The following DLG5 variants were observed in gnomAD, a reference collection of about 807,000 sequenced individuals.
DLG5 encodes the protein discs large MAGUK scaffold protein 5.
A neutral mutation model predicts 189.8 loss-of-function variants in DLG5; 48 were observed. The ratio of observed to expected loss-of-function variants is 0.25; its 90% CI spans 0.20 to 0.32. DLG5 has a LOEUF of 0.32. Among genes scored for constraint, DLG5 ranks in the 10% least tolerant of loss-of-function variants. DLG5 has a pLI of 1.00. For synonymous variants in DLG5, 1,016 were observed against 1,054.1 expected (o/e 0.96, Z 0.70); for missense variants, 2,160 against 2,544.7 (o/e 0.85, Z 3.25).
Position 77,796,009 on chromosome 10 carries a change from C to T in DLG5, c.5436+52G>A, listed in dbSNP as rs1217774979. 1 of 1,612,922 alleles carries T rather than the reference C, an allele frequency of 6.2e-7. No individual in the cohort carries two copies. Among genetic ancestry groups the T allele is most frequent in the East Asian group, 2.2e-5 (1 of 44,880 alleles). Reference sequence around the variant, plus strand: ...CACGGACCAGGGGCCTAGACCTGTGCACAGGAGGTCTAATACTGGATGCCT... The same window carrying T: ...CACGGACCAGGGGCCTAGACCTGTGTACAGGAGGTCTAATACTGGATGCCT... On this transcript the variant is annotated intron_variant, in intron 29 of 31. Coordinates refer to ENST00000372391, the MANE Select transcript of DLG5 (RefSeq NM_004747.4). This position sits in a 1 kb window ranked among gnomAD's most constrained non-coding sequence, Gnocchi z 5.2.
At chr10:77,889,751 C>A (rs1845552106) in intron 1 of DLG5, among the ~76,000 whole-genome samples, 1 of 152,084 alleles carries the variant, frequency 6.6e-6, no homozygotes, top group Admixed American at 6.6e-5. Flanking sequence ...CATTGGAGGG[C>A]AAGAAAAGAA....
Position 77,885,561 on chromosome 10 carries a change from G to A in DLG5, c.305-16364C>T, listed in dbSNP as rs764856446. Among the ~76,000 whole-genome samples the A allele has an allele frequency of 2.8e-4, 43 of 152,192 alleles. 1 individual carries two copies. Among genetic ancestry groups the A allele is most frequent in the African/African-American group, 4.8e-5 (2 of 41,438 alleles). ...GAATCAAAGTGTGCCAGCCCCCAAA[G>A]ATTCCAGCCTCCTGCAGCTCCTGAC... is the stretch of plus-strand genomic sequence containing the variant. On this transcript the variant is annotated intron_variant, in intron 1 of 31. Transcript: ENST00000372391.
chr10:77,798,933 G>A (rs1841064730), intron 27 of DLG5, among the ~76,000 whole-genome samples: 1 of 152,170 alleles, frequency 6.6e-6, no homozygotes, highest in African/African-American at 2.4e-5. Context: ...GTAATGCAGT[G>A]TAATCCCAGC....
In DLG5 at chr10:77,819,462, G is replaced by A; in HGVS notation, c.3530C>T (p.Thr1177Ile). The change falls in exon 17 of 32, where the codon ACT becomes ATT. Residue 1177 changes from threonine to isoleucine, a missense_variant. By Grantham distance (89) the Thr-to-Ile change is moderately conservative. This residue lies in a region of DLG5 where 754 missense variants were observed against 746.5 expected (regional missense o/e 1.01). Coordinates refer to ENST00000372391, the MANE Select transcript of DLG5 (RefSeq NM_004747.4). Reference protein sequence around the residue: ...PLYPSRPSVGTVPRSLTPSTT... With the variant: ...PLYPSRPSVGIVPRSLTPSTT... ...GCTGGGGGTCAAACTCCGGGGAACAGTGCCTAGAAATGGGCTTGGTGAGAA... is the reference window on the plus strand; with the variant it reads ...GCTGGGGGTCAAACTCCGGGGAACAATGCCTAGAAATGGGCTTGGTGAGAA... 1 of 1,612,806 alleles carries A rather than the reference G, an allele frequency of 6.2e-7. No individual in the cohort carries two copies. The highest frequency in any genetic ancestry group is 8.5e-7 in the Non-Finnish European group (1 of 1,179,734).
chr10:77,916,073 A>T (rs995682407), intron 1 of DLG5, among the ~76,000 whole-genome samples: 1 of 152,072 alleles, frequency 6.6e-6, no homozygotes, highest in Non-Finnish European at 1.5e-5. Flanking sequence ...AAAAAAAATT[A>T]GCTGGGCATG....
At chr10:77,829,101 C>T (rs1842782734) in intron 12 of DLG5, 116 bp from the exon 13 acceptor site, 1 of 1,151,516 alleles carries the variant, frequency 8.7e-7, no homozygotes, top group Non-Finnish European at 1.2e-6. Flanking sequence ...AGGCTGCGCC[C>T]TGTCTACGCC....
intron 27 of DLG5, among the ~76,000 whole-genome samples, chr10:77,799,571 C>A (rs113966881): frequency 1.3e-5 from 2 of 152,138 alleles, no homozygotes; most frequent in Non-Finnish European, 2.9e-5. Flanking sequence ...AAAATGAATT[C>A]TTGTTATTTA....
At chr10:77,891,252 A>T (rs1248911391) in intron 1 of DLG5, among the ~76,000 whole-genome samples, 1 of 152,138 alleles carries the variant, frequency 6.6e-6, no homozygotes, top group Non-Finnish European at 1.5e-5. Flanking sequence ...GCAGTCTCAC[A>T]AGGCTCACAA....
chr10:77,822,227 CAGAT>C (rs1193376965), intron 14 of DLG5, 126 bp from the exon 15 acceptor site: 6 of 1,031,214 alleles, frequency 5.8e-6, no homozygotes, highest in African/African-American at 4.8e-5. Context: ...AAAAAAGAGA[CAGAT>C]AGACAGAGAT....
At chr10:77,936,806 C>A in the DLG5 span, among the ~76,000 whole-genome samples, 2 of 152,176 alleles carry the variant, frequency 1.3e-5, no homozygotes, top group Admixed American at 6.5e-5. Flanking sequence ...GAGGCCTATG[C>A]CCTAGCTCCT....
intron 1 of DLG5, among the ~76,000 whole-genome samples, chr10:77,915,783 C>T (rs1358637865): frequency 6.6e-6 from 1 of 152,196 alleles, no homozygotes; most frequent in Non-Finnish European, 1.5e-5. Flanking sequence ...CAAACCAATC[C>T]TAAACGGGAT....
At position 77,869,353 on chromosome 10, in the gene DLG5, C is replaced by T. The variant is rs1051654128; in HGVS notation, c.305-156G>A. 13 of 660,780 alleles carry T rather than the reference C, an allele frequency of 2.0e-5. No individual in the cohort carries two copies. The African/African-American group carries it at 2.3e-4, about 12-fold the overall frequency. 40.9% of individuals were successfully genotyped at this position (660,780 alleles called of 1,614,324 possible). On this transcript the variant is annotated intron_variant, in intron 1 of 31. Transcript: ENST00000372391. The stretch of plus-strand genomic sequence containing the variant: ...GGCCAAGCAGAGGAGGCGCGCTCAG[C>T]AGATCTGGACTTCGGTGTTTCTGCC...
At chr10:77,881,609 C>G (rs1845284237) in intron 1 of DLG5, among the ~76,000 whole-genome samples, 1 of 152,218 alleles carries the variant, frequency 6.6e-6, no homozygotes, top group Admixed American at 6.5e-5. Flanking sequence ...AGATAAATAT[C>G]TCCATCCTGG....
upstream of DLG5, among the ~76,000 whole-genome samples, chr10:77,930,161 C>T (rs1846773139): frequency 6.6e-6 from 1 of 152,116 alleles, no homozygotes; most frequent in South Asian, 2.1e-4. Context: ...GGCTCCTTCT[C>T]ATTTGTCAAA....
At chr10:77,860,200 TTC>T (rs1331858124) in intron 2 of DLG5, among the ~76,000 whole-genome samples, 15 of 152,344 alleles carry the variant, frequency 9.8e-5, no homozygotes, top group Non-Finnish European at 1.9e-4. Flanking sequence ...GCAGTCTGGA[TTC>T]TAAACACATG....
At position 77,856,883 on chromosome 10, in the gene DLG5, C is replaced by T. The variant is rs780954631; in HGVS notation, c.383G>A (p.Gly128Glu). Residue 128 changes from glycine to glutamate, a missense_variant, in exon 3 of 32, where the codon GGG becomes GAG. This residue lies in a region of DLG5 where 664 missense variants were observed against 838.5 expected (regional missense o/e 0.79). Coordinates refer to ENST00000372391, the MANE Select transcript of DLG5 (RefSeq NM_004747.4). The stretch of plus-strand genomic sequence containing the variant: ...GAGGGGTGGTGGGGACGGCGCCTTC[C>T]CGGTAGTGCCTGTGGAAGGGGAATA... ...SSSLSSVGTT[G>E]KAPSPPPLLT... The T allele has an allele frequency of 6.2e-7, 1 of 1,610,422 alleles. No homozygotes were observed. Among genetic ancestry groups the T allele is most frequent in the Admixed American group, 1.7e-5 (1 of 59,930 alleles).
chr10:77,841,763 G>A, intron 7 of DLG5, 118 bp downstream of exon 7: 1 of 1,196,326 alleles, frequency 8.4e-7, no homozygotes, highest in South Asian at 1.5e-5. Context: ...GGCCTCCAGT[G>A]AGAAGCCATT....
chr10:77,897,288 G>A (rs930072241), intron 1 of DLG5, among the ~76,000 whole-genome samples: 8 of 151,764 alleles, frequency 5.3e-5, no homozygotes, highest in Non-Finnish European at 1.2e-4. Flanking sequence ...CCTGGGAGGC[G>A]AAGGTTGCAG....
intron 1 of DLG5, among the ~76,000 whole-genome samples, chr10:77,877,560 G>A (rs944634261): frequency 6.6e-6 from 1 of 152,138 alleles, no homozygotes; most frequent in African/African-American, 2.4e-5. Context: ...GTTGGGGATG[G>A]GAGCAGGGAG....
Sources: allele counts gnomAD v4.1 joint callset (sites outside exome capture counted in the v4.1 genomes callset), GRCh38; gene constraint gnomAD v4.1.1; regional missense constraint gnomAD v4.1.1; non-coding constraint Gnocchi (gnomAD v3.1); transcripts MANE v1.5; gene names NCBI Gene and HGNC (gene_info 2026-07-23, HGNC 2026-07-21).